Variants in MCM4 observed in about 807,000 individuals in gnomAD.
The protein encoded by MCM4 is minichromosome maintenance complex component 4.
MCM4 carries 60 observed loss-of-function variants against 88.7 expected under a neutral mutation model. The ratio of observed to expected loss-of-function variants is 0.68; its 90% CI spans 0.55 to 0.84. MCM4 has a LOEUF of 0.84. Ranked by LOEUF, MCM4 falls within the 40% of genes least tolerant of loss-of-function variation. The probability of loss-of-function intolerance (pLI) is 0.00; values close to 1 mark genes in which losing one functional copy is unlikely to be tolerated. For missense variants in MCM4, 1,149 were observed against 1,105.5 expected (o/e 1.04, Z -0.56); for synonymous variants, 465 against 410.5 (o/e 1.13, Z -1.61).
Position 47,969,829 on chromosome 8 carries a change from T to A in MCM4, c.1206T>A (p.Asn402Lys). The A allele has an allele frequency of 6.2e-7, 1 of 1,614,214 alleles. No homozygotes were observed. The highest frequency in any genetic ancestry group is 8.5e-7 in the Non-Finnish European group (1 of 1,180,038). The change falls in exon 11 of 17, where the codon AAT becomes AAA. Residue 402 changes from asparagine to lysine, a missense_variant. Around this residue, in one of 3 missense-constraint regions of MCM4, gnomAD observed 906 missense variants for 843.0 expected, o/e 1.07. Coordinates refer to ENST00000649973, the MANE Select transcript of MCM4 (RefSeq NM_182746.3). ...ATCGAGCTGTGCCTATTCGAGTCAA[T>A]CCAAGAGTGAGTAATGTGAAGTCTG... ...GIYRAVPIRV[N>K]PRVSNVKSVY... is the part of the protein sequence containing the mutation.
Position 47,961,020 on chromosome 8 carries a change from C to T in MCM4, c.-15+6C>T, listed in dbSNP as rs1466790534. The T allele has an allele frequency of 1.9e-6, 2 of 1,069,708 alleles. No homozygotes were observed. Among genetic ancestry groups the T allele is most frequent in the South Asian group, 1.8e-5 (1 of 55,672 alleles). The allele number at this position is 1,069,708 out of a possible 1,614,324, so 66.3% of individuals were successfully genotyped here. Reference sequence around the variant, plus strand: ...CAAGCGGCCGCCTTTCCACGGTAACCGCGCGCCGGCGGGGAGGGCGTGGCG... The same window carrying T: ...CAAGCGGCCGCCTTTCCACGGTAACTGCGCGCCGGCGGGGAGGGCGTGGCG... On this transcript the variant is annotated splice_donor_region_variant and intron_variant, in intron 1 of 16. Coordinates refer to ENST00000649973, the MANE Select transcript of MCM4 (RefSeq NM_182746.3).
intron 10 of MCM4, 31 bp from the exon 11 acceptor site, chr8:47,969,767 G>T (rs947037804): frequency 6.2e-7 from 1 of 1,611,526 alleles, no homozygotes; most frequent in Non-Finnish European, 8.5e-7. Context: ...ATATGGGAAG[G>T]TAAAAGTGCA....
At chr8:47,975,511 C>G (rs1276880207) in intron 15 of MCM4, 1 of 383,970 alleles carries the variant, frequency 2.6e-6, no homozygotes, top group East Asian at 4.2e-5. Flanking sequence ...CTGCTTGCTG[C>G]ACAGATGTGT....
At chr8:47,967,067 C>CT (rs529584353) in intron 9 of MCM4, among the ~76,000 whole-genome samples, 15 of 152,230 alleles carry the variant, frequency 9.9e-5, no homozygotes, top group Non-Finnish European at 2.2e-4. Context: ...GCCCAGCATC[C>CT]TTAGGCCTCT....
chr8:47,962,120 A>C lies in MCM4; in HGVS notation c.303A>C (p.Gly101=). The change falls in exon 4 of 17, where the codon GGA becomes GGC. Residue 101 remains glycine, a synonymous_variant. Coordinates refer to ENST00000649973, the MANE Select transcript of MCM4 (RefSeq NM_182746.3). ...TYGTPSSRVE[G]TPRSGVRGTP... is the part of the protein sequence containing the mutation. ...GCACTCCCAGCTCTCGGGTAGAGGG[A>C]ACCCCAAGAAGTGGTGTTAGGGGCA... The C allele has an allele frequency of 6.2e-7, 1 of 1,614,112 alleles. No individual in the cohort carries two copies. Among genetic ancestry groups the C allele is most frequent in the Non-Finnish European group, 8.5e-7 (1 of 1,179,990 alleles).
At position 47,964,727 on chromosome 8, in the gene MCM4, A is replaced by G; in HGVS notation, c.832+15A>G. 1.9e-6 allele frequency: 3 copies of G among 1,539,602 alleles called. No individual in the cohort carries two copies. The highest frequency in any genetic ancestry group is 1.2e-5 in the South Asian group (1 of 80,516). On this transcript the variant is annotated intron_variant, in intron 8 of 16. Transcript: ENST00000649973. Reference sequence around the variant, plus strand: ...GAATCCAGAAGGTAATGTATTTTTCATAGGATTACTTTTGTTGAAGGAAAA... The same window carrying G: ...GAATCCAGAAGGTAATGTATTTTTCGTAGGATTACTTTTGTTGAAGGAAAA...
In MCM4 at chr8:47,976,772, G is replaced by C. The variant is rs780654915; in HGVS notation, c.2586G>C (p.Leu862Phe). 2 of 1,609,746 alleles carry C rather than the reference G, an allele frequency of 1.2e-6. No individual in the cohort carries two copies. The highest frequency in any genetic ancestry group is 1.7e-5 in the Admixed American group (1 of 59,960). Residue 862 changes from leucine (L) to phenylalanine (F), a missense_variant, in exon 17 of 17, where the codon TTG (leucine) becomes TTC (phenylalanine). Physicochemically the swap from Leu to Phe is conservative, Grantham distance 22. Coordinates refer to ENST00000649973, the MANE Select transcript of MCM4 (RefSeq NM_182746.3). ...CAGTGACTGGGAAGACCGTGCGCTT[G>C]CTCTGAAGCCTTGTGAGCAAGGAAG... The part of the protein sequence containing the change: ...FLTVTGKTVR[L>F]L
chr8:47,964,358 C>G (rs1279442361), intron 7 of MCM4, among the ~76,000 whole-genome samples: 1 of 152,232 alleles, frequency 6.6e-6, no homozygotes, highest in Non-Finnish European at 1.5e-5. Flanking sequence ...CAAGAAGGCA[C>G]TTTCGTATAA....
chr8:47,964,960 A>G (rs368327272), intron 8 of MCM4, among the ~76,000 whole-genome samples: 1 of 152,232 alleles, frequency 6.6e-6, no homozygotes, highest in African/African-American at 2.4e-5. Context: ...TCACGCCTAT[A>G]ATCCCAGCAC....
chr8:47,965,214 CAA>C (rs113918401), intron 8 of MCM4, among the ~76,000 whole-genome samples: 11 of 125,360 alleles, frequency 8.8e-5, no homozygotes, highest in Admixed American at 1.6e-4. Context: ...GACCCTGTCT[CAA>C]AAAAAAAAAA....
chr8:47,974,507 C>G (rs561107235), intron 14 of MCM4: 2 of 498,342 alleles, frequency 4.0e-6, no homozygotes, highest in East Asian at 6.8e-5. Context: ...CAAGCATCTC[C>G]CAGTTGGAAT....
chr8:47,962,802 A>C lies in MCM4; in HGVS notation c.540A>C (p.Glu180Asp). 2 of 1,609,820 alleles carry C rather than the reference A, an allele frequency of 1.2e-6. No homozygotes were observed. Among genetic ancestry groups the C allele is most frequent in the South Asian group, 2.2e-5 (2 of 89,470 alleles). ...LQRFIDPLAKEEENVGIDITE... is the reference protein window; with the variant it reads ...LQRFIDPLAKDEENVGIDITE... ...GTTTTATTGACCCTCTGGCTAAAGA[A>C]GAAGAAAATGTTGGCATAGATATTA... The change falls in exon 6 of 17, where the codon GAA becomes GAC. Residue 180 changes from glutamate (E) to aspartate (D), a missense_variant. Physicochemically the swap from Glu to Asp is conservative, Grantham distance 45. Coordinates refer to ENST00000649973, the MANE Select transcript of MCM4 (RefSeq NM_182746.3).
chr8:47,961,064 C>A, intron 1 of MCM4, 50 bp downstream of exon 1: 1 of 1,424,576 alleles, frequency 7.0e-7, no homozygotes, highest in Non-Finnish European at 9.3e-7. Context: ...ACGGGAACGT[C>A]CGCGCTGCGG....
rs987452754 is a variant in MCM4 at position 47,960,960 on chromosome 8, C to A, written c.-69C>A. ...GGTCTCGCGGTTTGGGAGCGCTACT[C>A]GCCAGGTGGACTCGGAGTCCGCGAG... On this transcript the variant is annotated 5_prime_UTR_variant, in exon 1 of 17. Coordinates refer to ENST00000649973, the MANE Select transcript of MCM4 (RefSeq NM_182746.3). The A allele has an allele frequency of 1.7e-6, 1 of 581,842 alleles. No homozygotes were observed. The highest frequency in any genetic ancestry group is 2.8e-6 in the Non-Finnish European group (1 of 359,646). The allele number at this position is 581,842 out of a possible 1,614,324, so 36.0% of individuals were successfully genotyped here.
At position 47,962,321 on chromosome 8, in the gene MCM4, T is replaced by G. The variant is rs753494052; in HGVS notation, c.416T>G (p.Ile139Arg). 6.2e-7 allele frequency: 1 copy of G among 1,614,066 alleles called. No individual in the cohort carries two copies. The highest frequency in any genetic ancestry group is 8.5e-7 in the Non-Finnish European group (1 of 1,180,044). The change falls in exon 5 of 17, where the codon ATA becomes AGA. Residue 139 changes from isoleucine (I) to arginine (R), a missense_variant. Ile to Arg is a moderately conservative substitution (Grantham distance 97, BLOSUM62 -3). Around this residue, in one of 3 missense-constraint regions of MCM4, gnomAD observed 906 missense variants for 843.0 expected, o/e 1.07. Coordinates refer to ENST00000649973, the MANE Select transcript of MCM4 (RefSeq NM_182746.3). ...LQSDGAAAED[I>R]VASEQSLGQK... ...TCTGTGTAGGCAGCAGCAGAAGATA[T>G]AGTGGCAAGTGAGCAGTCTCTAGGC...
At chr8:47,964,837 A>G in intron 8 of MCM4, 125 bp downstream of exon 8, 1 of 728,902 alleles carries the variant, frequency 1.4e-6, no homozygotes, top group Non-Finnish European at 2.2e-6. Context: ...CGGATTATAA[A>G]TTGACAATAA....
Position 47,970,698 on chromosome 8 carries a change from T to C in MCM4, c.1622T>C (p.Val541Ala). 6.2e-7 allele frequency: 1 copy of C among 1,614,160 alleles called. No individual in the cohort carries two copies. The change falls in exon 12 of 17, where the codon GTT (valine) becomes GCT (alanine). Residue 541 changes from valine (V) to alanine (A), a missense_variant. Val to Ala is a moderately conservative substitution (Grantham distance 64, BLOSUM62 0). Around this residue, in one of 3 missense-constraint regions of MCM4, gnomAD observed 906 missense variants for 843.0 expected, o/e 1.07. Transcript: ENST00000649973. The part of the protein sequence containing the change: ...QYTSGKGSSA[V>A]GLTAYVMKDP... ...ACGTCTGGGAAGGGCTCCAGTGCAG[T>C]TGGCCTCACTGCGTACGTAATGAAA...
chr8:47,968,095 CAT>C lies in MCM4; in HGVS notation c.1174+613_1174+614del, dbSNP rs1448680516. 1.6e-4 allele frequency among the ~76,000 whole-genome samples: 25 copies of C among 152,286 alleles called. 1 individual carries two copies. The South Asian group carries it at 5.2e-3, about 32-fold the overall frequency. The stretch of plus-strand genomic sequence containing the variant: ...CACAAGAGTGCTCTTTGCACAGCAC[CAT>C]ATGAGTGTGGCAGTCCTCCTTTTGA... On this transcript the variant is annotated intron_variant, in intron 10 of 16. Coordinates refer to ENST00000649973, the MANE Select transcript of MCM4 (RefSeq NM_182746.3).
intron 13 of MCM4, among the ~76,000 whole-genome samples, chr8:47,972,089 C>T (rs1371063333): frequency 2.0e-5 from 3 of 151,486 alleles, no homozygotes; most frequent in East Asian, 3.9e-4. Context: ...AAAATTAGCC[C>T]GGCGTGGCGG....
Sources: allele counts gnomAD v4.1 joint callset (sites outside exome capture counted in the v4.1 genomes callset), GRCh38; gene constraint gnomAD v4.1.1; regional missense constraint gnomAD v4.1.1; transcripts MANE v1.5; gene names NCBI Gene and HGNC (gene_info 2026-07-23, HGNC 2026-07-21).